Variants in PTK2 observed in about 807,000 individuals in gnomAD.
The protein encoded by PTK2 is protein tyrosine kinase 2, also known as focal adhesion kinase 1.
Under a neutral mutation model 150.1 loss-of-function variants are expected in PTK2, and 45 were observed. That is an observed-to-expected ratio of 0.30 (90% confidence interval 0.24 to 0.38). PTK2 has a LOEUF of 0.38. PTK2 is among the 10% of genes least tolerant of loss of function. The pLI is 1.00. For missense variants in PTK2, 919 were observed against 1,307.3 expected (o/e 0.70, Z 4.58); for synonymous variants, 432 against 449.2 (o/e 0.96, Z 0.48).
intron 1 of PTK2, among the ~76,000 whole-genome samples, chr8:140,957,800 C>T (rs1299861067): frequency 1.3e-5 from 2 of 152,146 alleles, no homozygotes; most frequent in Non-Finnish European, 2.9e-5. Flanking sequence ...AGTCTAGGAG[C>T]AATAGGCTAT....
chr8:141,001,633 GTCC>G (rs764035714), upstream of PTK2, among the ~76,000 whole-genome samples: 30 of 152,124 alleles, frequency 2.0e-4, no homozygotes, highest in Non-Finnish European at 2.9e-4. Context: ...CTTCGGGAAA[GTCC>G]TCCCCATCTC....
intron 2 of PTK2, among the ~76,000 whole-genome samples, chr8:140,911,841 C>T (rs1489325360): frequency 6.6e-6 from 1 of 152,104 alleles, no homozygotes; most frequent in African/African-American, 2.4e-5. Flanking sequence ...ATAAGAAAAC[C>T]TGATAAAACG....
chr8:140,862,322 C>T (rs1177173807), intron 5 of PTK2, among the ~76,000 whole-genome samples: 1 of 152,040 alleles, frequency 6.6e-6, no homozygotes, highest in African/African-American at 2.4e-5. Flanking sequence ...GTTATTTAAA[C>T]TCTCTTGTTA....
intron 15 of PTK2, 99 bp downstream of exon 17, chr8:140,764,135 T>C (rs780745235): frequency 4.1e-6 from 4 of 980,730 alleles, no homozygotes; most frequent in South Asian, 1.3e-5. Flanking sequence ...CAAGGAAGTA[T>C]TAAAAATGGC....
chr8:141,000,350 G>C (rs1338242091), intron 1 of PTK2, among the ~76,000 whole-genome samples: 1 of 152,198 alleles, frequency 6.6e-6, no homozygotes, highest in African/African-American at 2.4e-5. Flanking sequence ...TGCGTTCGGG[G>C]ACACGGCGGG....
intron 16 of PTK2, among the ~76,000 whole-genome samples, chr8:140,754,262 A>G (rs2154526836): frequency 6.6e-6 from 1 of 152,376 alleles, no homozygotes; most frequent in African/African-American, 2.4e-5. Flanking sequence ...GAATGTGAAC[A>G]AGAGCACAGA....
intron 31 of PTK2, among the ~76,000 whole-genome samples, chr8:140,664,428 G>A (rs1403034656): frequency 1.3e-5 from 2 of 152,132 alleles, no homozygotes; most frequent in Non-Finnish European, 1.5e-5. Context: ...TACCATGCCT[G>A]GCCTAAAAGA....
intron 2 of PTK2, among the ~76,000 whole-genome samples, chr8:140,898,668 A>T (rs895687139): frequency 6.6e-6 from 1 of 152,200 alleles, no homozygotes; most frequent in African/African-American, 2.4e-5. Flanking sequence ...AAAAGGGAAA[A>T]AAATGCAACG....
At chr8:140,675,568 C>G in intron 27 of PTK2, 69 bp from the exon 31 acceptor site, 2 of 1,165,260 alleles carry the variant, frequency 1.7e-6, no homozygotes, top group Non-Finnish European at 2.6e-6. Context: ...TCTCACCCAC[C>G]CTGTCTATCC....
intron 27 of PTK2, among the ~76,000 whole-genome samples, chr8:140,680,912 C>T (rs1589775176): frequency 6.6e-6 from 1 of 152,198 alleles, no homozygotes; most frequent in Admixed American, 6.5e-5. Context: ...GACTAGAAGT[C>T]AACTCAGTAG....
chr8:140,999,310 CT>C (rs1392899434), intron 1 of PTK2, among the ~76,000 whole-genome samples: 1 of 152,238 alleles, frequency 6.6e-6, no homozygotes, highest in Non-Finnish European at 1.5e-5. Context: ...TTTAAATAAT[CT>C]GTGCCTGTGT....
intron 2 of PTK2, among the ~76,000 whole-genome samples, chr8:140,893,853 A>C (rs2100155053): frequency 6.6e-6 from 1 of 152,224 alleles, no homozygotes; most frequent in South Asian, 2.1e-4. Context: ...AGGTCATAGC[A>C]GTACCCTGTC....
At chr8:140,675,330 G>T in intron 28 of PTK2, 130 bp downstream of exon 31, 1 of 946,194 alleles carries the variant, frequency 1.1e-6, no homozygotes, top group Non-Finnish European at 1.6e-6. Flanking sequence ...GGTAAACATC[G>T]TACTTGCTGT....
chr8:140,678,817 C>T (rs866728998), intron 27 of PTK2, among the ~76,000 whole-genome samples: 2 of 151,790 alleles, frequency 1.3e-5, no homozygotes, highest in African/African-American at 2.4e-5. Context: ...GATAGAGAGG[C>T]GTGAGGGCAG....
At chr8:140,907,337 GT>G (rs1214725660) in intron 2 of PTK2, among the ~76,000 whole-genome samples, 2 of 152,032 alleles carry the variant, frequency 1.3e-5, no homozygotes, top group Non-Finnish European at 2.9e-5. Context: ...ATACTCACTG[GT>G]TGAACATCCC....
At chr8:140,879,345 A>T in intron 4 of PTK2, 126 bp downstream of exon 4, 1 of 1,012,066 alleles carries the variant, frequency 9.9e-7, no homozygotes, top group Non-Finnish European at 1.4e-6. Context: ...AACGAATTTT[A>T]TTTATACCAG....
intron 22 of PTK2, among the ~76,000 whole-genome samples, chr8:140,726,450 C>T (rs1327546768): frequency 6.6e-6 from 1 of 152,242 alleles, no homozygotes; most frequent in Non-Finnish European, 1.5e-5. Context: ...GAAAACCACA[C>T]CCAAGCACAT....
intron 1 of PTK2, chr8:140,954,638 C>T (rs1345682708): frequency 6.6e-6 from 1 of 152,044 alleles, no homozygotes; most frequent in Non-Finnish European, 1.5e-5. Context: ...AATCAACTAC[C>T]TTTTGTTTAT....
At chr8:140,793,264 A>AT (rs2100089597) in intron 13 of PTK2, 90 bp downstream of exon 13, 4 of 1,428,692 alleles carry the variant, frequency 2.8e-6, no homozygotes, top group South Asian at 2.6e-5. Flanking sequence ...ATTGAATTTA[A>AT]TTTTTTTAGG....
Sources: allele counts gnomAD v4.1 joint callset (sites outside exome capture counted in the v4.1 genomes callset), GRCh38; gene constraint gnomAD v4.1.1; transcripts MANE v1.5; gene names NCBI Gene and HGNC (gene_info 2026-07-23, HGNC 2026-07-21).